LRRC4C: variants seen among roughly 807,000 people sequenced by gnomAD.
The protein encoded by LRRC4C is leucine-rich repeat-containing protein 4C.
LRRC4C carries 5 observed loss-of-function variants against 33.6 expected under a neutral mutation model. The observed-to-expected ratio is 0.15, with a 90% CI of 0.08 to 0.31. The LOEUF is 0.31. Ranked by LOEUF, LRRC4C falls within the 10% of genes least tolerant of loss-of-function variation. The pLI is 1.00. For missense variants in LRRC4C, 560 were observed against 796.7 expected, an observed-to-expected ratio of 0.70 and a Z score of 3.58; for synonymous variants, 329 against 302.0, an observed-to-expected ratio of 1.09 and a Z score of -0.93.
chr11:40,365,041 A>T (rs1320838678), intron 3 of LRRC4C, among the ~76,000 whole-genome samples: 1 of 151,500 alleles, frequency 6.6e-6, no homozygotes, highest in African/African-American at 2.4e-5. Flanking sequence ...TATCATAATC[A>T]CCACAAGAAA....
At chr11:40,166,764 A>T (rs1395436490) in intron 5 of LRRC4C, among the ~76,000 whole-genome samples, 2 of 152,160 alleles carry the variant, frequency 1.3e-5, no homozygotes, top group Non-Finnish European at 2.9e-5. Context: ...TATAGATTGT[A>T]ACCTGTATTA....
intron 5 of LRRC4C, among the ~76,000 whole-genome samples, chr11:40,164,716 G>A (rs930856318): frequency 1.3e-5 from 2 of 152,112 alleles, no homozygotes; most frequent in South Asian, 2.1e-4. Flanking sequence ...GGTCGGGGAC[G>A]ATTCTATATT....
At chr11:41,065,482 T>C (rs1334847485) in intron 1 of LRRC4C, among the ~76,000 whole-genome samples, 2 of 152,140 alleles carry the variant, frequency 1.3e-5, no homozygotes, top group Non-Finnish European at 2.9e-5. Context: ...TTCAGTGAAC[T>C]TAATCTTTCC....
At chr11:40,168,179 G>T (rs974071062) in intron 5 of LRRC4C, among the ~76,000 whole-genome samples, 3 of 152,208 alleles carry the variant, frequency 2.0e-5, no homozygotes, top group South Asian at 4.1e-4. Flanking sequence ...AGGGGCAGAG[G>T]TTATTCTGAG....
At chr11:40,674,339 TA>T (rs1197646823) in intron 2 of LRRC4C, among the ~76,000 whole-genome samples, 10 of 152,196 alleles carry the variant, frequency 6.6e-5, no homozygotes. Context: ...TGAAGTTTGG[TA>T]AACTCATTCT....
At chr11:41,136,915 C>T (rs903875786) in intron 1 of LRRC4C, among the ~76,000 whole-genome samples, 7 of 152,080 alleles carry the variant, frequency 4.6e-5, no homozygotes, top group Non-Finnish European at 7.4e-5. Context: ...AATTTTGTGT[C>T]ACCATTTTGG....
chr11:40,532,998 T>A (rs941381600), intron 3 of LRRC4C, among the ~76,000 whole-genome samples: 2 of 152,070 alleles, frequency 1.3e-5, no homozygotes, highest in African/African-American at 2.4e-5. Context: ...GGGAACTCAC[T>A]CACTATCACG....
chr11:40,942,941 C>T (rs1958223797), intron 1 of LRRC4C, among the ~76,000 whole-genome samples: 3 of 152,152 alleles, frequency 2.0e-5, no homozygotes, highest in Admixed American at 6.5e-5. Flanking sequence ...TACTCAACTA[C>T]TTATTTCATA....
At chr11:40,144,262 G>C (rs1359990458) in intron 5 of LRRC4C, among the ~76,000 whole-genome samples, 2 of 151,984 alleles carry the variant, frequency 1.3e-5, no homozygotes, top group Non-Finnish European at 2.9e-5. Flanking sequence ...TAATTTCTTT[G>C]AATTATATGT....
intron 3 of LRRC4C, among the ~76,000 whole-genome samples, chr11:40,493,089 A>G (rs1352026678): frequency 6.6e-6 from 1 of 151,280 alleles, no homozygotes; most frequent in African/African-American, 2.4e-5. Flanking sequence ...AAATATAAAT[A>G]TAGAGATAAA....
chr11:40,857,395 G>A (rs961162216), intron 2 of LRRC4C, among the ~76,000 whole-genome samples: 1 of 151,926 alleles, frequency 6.6e-6, no homozygotes, highest in Non-Finnish European at 1.5e-5. Context: ...TCCCCTCCCT[G>A]TATCCATGTG....
At chr11:40,840,359 A>G (rs1741159432) in intron 2 of LRRC4C, among the ~76,000 whole-genome samples, 1 of 152,178 alleles carries the variant, frequency 6.6e-6, no homozygotes, top group South Asian at 2.1e-4. Flanking sequence ...TTTACTACCA[A>G]GCATTTGATT....
At chr11:40,631,931 A>G (rs1351301255) in intron 3 of LRRC4C, among the ~76,000 whole-genome samples, 1 of 152,198 alleles carries the variant, frequency 6.6e-6, no homozygotes, top group Non-Finnish European at 1.5e-5. Context: ...AAAACTATCA[A>G]TGAAACATCC....
At chr11:40,609,943 T>G (rs1428561854) in intron 3 of LRRC4C, among the ~76,000 whole-genome samples, 3 of 151,996 alleles carry the variant, frequency 2.0e-5, no homozygotes, top group African/African-American at 7.2e-5. Flanking sequence ...ATAGCTTCAC[T>G]GGTGAATTCT....
At chr11:41,366,547 C>A (rs1382487499) in intron 1 of LRRC4C, among the ~76,000 whole-genome samples, 2 of 151,782 alleles carry the variant, frequency 1.3e-5, no homozygotes, top group Non-Finnish European at 2.9e-5. Flanking sequence ...AAAATAACTC[C>A]TTTAAAAAAG....
At chr11:40,350,446 T>C (rs988901094) in intron 3 of LRRC4C, among the ~76,000 whole-genome samples, 1 of 152,132 alleles carries the variant, frequency 6.6e-6, no homozygotes, top group Non-Finnish European at 1.5e-5. Context: ...AGTCCATTGG[T>C]CTATGTGTCT....
At chr11:41,389,834 C>T (rs1054408846) in intron 1 of LRRC4C, among the ~76,000 whole-genome samples, 1 of 151,752 alleles carries the variant, frequency 6.6e-6, no homozygotes, top group Non-Finnish European at 1.5e-5. Context: ...TTGAACGATG[C>T]TGTGAACATC....
At chr11:40,724,349 T>G (rs1947181650) in intron 2 of LRRC4C, among the ~76,000 whole-genome samples, 1 of 152,174 alleles carries the variant, frequency 6.6e-6, no homozygotes, top group East Asian at 1.9e-4. Flanking sequence ...ACCAAGCGTG[T>G]GCTTGGTGAT....
At chr11:40,170,713 C>T (rs1420611420) in intron 5 of LRRC4C, among the ~76,000 whole-genome samples, 1 of 152,204 alleles carries the variant, frequency 6.6e-6, no homozygotes, top group Non-Finnish European at 1.5e-5. Flanking sequence ...AGGAGACATT[C>T]TAACTTCATC....
Sources: gnomAD v4.1 joint callset for allele counts (sites outside exome capture counted in the v4.1 genomes callset) on GRCh38, gnomAD v4.1.1 for gene constraint, MANE v1.5 for transcripts, NCBI Gene and HGNC (gene_info 2026-07-23, HGNC 2026-07-21) for gene names.